TTC7A: variants seen among roughly 807,000 people sequenced by gnomAD.
TTC7A encodes the protein tetratricopeptide repeat domain 7A, also known as tetratricopeptide repeat protein 7A.
Under a neutral mutation model 103.7 loss-of-function variants are expected in TTC7A, and 110 were observed. That is an observed-to-expected ratio of 1.06 (90% CI 0.91 to 1.24). The LOEUF (loss-of-function observed/expected upper bound fraction) is 1.24, where lower values mean the gene tolerates loss of function less well. Ranked by LOEUF, TTC7A falls within the 50% of genes most tolerant of loss-of-function variation. TTC7A has a pLI of 0.00. For missense variants in TTC7A, 1,340 were observed against 1,116.3 expected, an observed-to-expected ratio of 1.20 and a Z score of -2.86; for synonymous variants, 521 against 467.9, an observed-to-expected ratio of 1.11 and a Z score of -1.47.
chr2:46,995,314 C>A, intron 8 of TTC7A, 115 bp downstream of exon 8: 1 of 1,001,088 alleles, frequency 1.0e-6, no homozygotes, highest in South Asian at 1.4e-5. Context: ...CCCAGGGATA[C>A]TCCTAAAGTA....
intron 5 of TTC7A, among the ~76,000 whole-genome samples, chr2:46,984,058 A>G (rs1326859383): frequency 6.6e-6 from 1 of 152,220 alleles, no homozygotes; most frequent in Non-Finnish European, 1.5e-5. Context: ...CATGTCTGTT[A>G]GTCCTCCCAG....
At chr2:47,050,726 A>G (rs1180421623) in intron 17 of TTC7A, 2 of 152,484 alleles carry the variant, frequency 1.3e-5, no homozygotes, top group Non-Finnish European at 2.9e-5. Flanking sequence ...ACCCAACTTT[A>G]GAGGCACATC....
At position 47,065,267 on chromosome 2, in the gene TTC7A, A is replaced by G. The variant is rs370161263; in HGVS notation, c.2355+4296A>G. 2.6e-5 allele frequency among the ~76,000 whole-genome samples: 4 copies of G among 152,374 alleles called. No individual in the cohort carries two copies. In the South Asian group the frequency reaches 6.2e-4, roughly 24 times the overall value. On this transcript the variant is annotated intron_variant, in intron 19 of 19. Transcript: ENST00000319190. ...ACGCCACTGCACTCCAGCCTGGGTG[A>G]CAGAGCGAGACTCCGTCTCAAAAAG...
chr2:46,984,197 A>G (rs962559755), intron 5 of TTC7A, among the ~76,000 whole-genome samples: 2 of 152,230 alleles, frequency 1.3e-5, no homozygotes, highest in African/African-American at 4.8e-5. Context: ...TGACTTTCTT[A>G]GCTGGCGGTC....
chr2:46,947,986 G>A (rs1305663735), intron 1 of TTC7A, among the ~76,000 whole-genome samples: 1 of 152,206 alleles, frequency 6.6e-6, no homozygotes, highest in Non-Finnish European at 1.5e-5. Context: ...CGTGCTCTGG[G>A]GAGGAAGCTG....
intron 11 of TTC7A, among the ~76,000 whole-genome samples, chr2:47,018,334 A>G (rs976602479): frequency 1.3e-5 from 2 of 148,250 alleles, no homozygotes; most frequent in East Asian, 2.0e-4. Flanking sequence ...TGTAATCCCA[A>G]CGCTTTTGGA....
At chr2:46,986,550 G>C (rs1675032944) in intron 5 of TTC7A, among the ~76,000 whole-genome samples, 1 of 152,046 alleles carries the variant, frequency 6.6e-6, no homozygotes, top group African/African-American at 2.4e-5. Flanking sequence ...GCTGCCTGGG[G>C]TGGGGTGGAC....
chr2:46,942,597 C>A (rs779487756), intron 1 of TTC7A, among the ~76,000 whole-genome samples: 1 of 152,164 alleles, frequency 6.6e-6, no homozygotes, highest in African/African-American at 2.4e-5. Flanking sequence ...CAGACACTGT[C>A]CTGAGCACTT....
chr2:46,938,622 C>T (rs1208402869), upstream of TTC7A, among the ~76,000 whole-genome samples: 1 of 152,144 alleles, frequency 6.6e-6, no homozygotes, highest in South Asian at 2.1e-4. Context: ...ATTGATTTAT[C>T]AGTACTTTGG....
chr2:46,931,436 G>A (rs1005153528), intron 2 of TTC7A, among the ~76,000 whole-genome samples: 1 of 152,196 alleles, frequency 6.6e-6, no homozygotes, highest in African/African-American at 2.4e-5. Context: ...ATTAAATTGA[G>A]GACCTTGAGA....
At chr2:47,056,558 C>T (rs997603310) in intron 18 of TTC7A, among the ~76,000 whole-genome samples, 14 of 152,284 alleles carry the variant, frequency 9.2e-5, no homozygotes, top group Non-Finnish European at 1.5e-4. Context: ...TCCCCCTGCC[C>T]GGGGTGGGAG....
At chr2:47,026,778 A>G (rs938663039) in intron 14 of TTC7A, among the ~76,000 whole-genome samples, 16 of 152,180 alleles carry the variant, frequency 1.1e-4, no homozygotes, top group African/African-American at 3.6e-4. Flanking sequence ...TCTCATCTTC[A>G]TGGACACTGA....
intron 8 of TTC7A, among the ~76,000 whole-genome samples, chr2:46,997,853 G>A (rs191289577): frequency 2.0e-5 from 3 of 152,224 alleles, no homozygotes; most frequent in African/African-American, 7.2e-5. Context: ...CTTGATCTGA[G>A]TCCTCAGGAC....
intron 3 of TTC7A, among the ~76,000 whole-genome samples, chr2:46,964,965 G>A (rs1572744870): frequency 6.6e-6 from 1 of 152,174 alleles, no homozygotes. Flanking sequence ...TGGCCGGCTC[G>A]CGTTCTCCTT....
upstream of TTC7A, among the ~76,000 whole-genome samples, chr2:46,939,759 T>G (rs1670178059): frequency 6.6e-6 from 1 of 152,116 alleles, no homozygotes; most frequent in African/African-American, 2.4e-5. Flanking sequence ...CCAACCGCTC[T>G]CTCCAAGTGA....
rs568229990 is a variant in TTC7A, at chr2:47,020,297, G to A, written c.1393-1565G>A. Among the ~76,000 whole-genome samples the A allele has an allele frequency of 4.6e-5, 7 of 152,328 alleles. No individual in the cohort carries two copies. In the East Asian group the frequency reaches 7.7e-4, roughly 17 times the overall value. On this transcript the variant is annotated intron_variant, in intron 11 of 19. Transcript: ENST00000319190. ...TCTTCCAGTGCTCTTCTCACCATGTGGCTTTGGCTTCAGGCCCCAGCAGCC... is the reference window on the plus strand; with the variant it reads ...TCTTCCAGTGCTCTTCTCACCATGTAGCTTTGGCTTCAGGCCCCAGCAGCC...
At chr2:47,053,530 T>G (rs200232316) in intron 18 of TTC7A, among the ~76,000 whole-genome samples, 80 of 138,848 alleles carry the variant, frequency 5.8e-4, no homozygotes, top group Middle Eastern at 7.1e-3. Context: ...TGGTGGGTTT[T>G]TTTGTTTGTT....
intron 2 of TTC7A, among the ~76,000 whole-genome samples, chr2:46,929,474 A>C (rs1202003251): frequency 6.6e-6 from 1 of 152,160 alleles, no homozygotes; most frequent in Non-Finnish European, 1.5e-5. Flanking sequence ...ACAGAGCACG[A>C]CCCTGTCTCA....
chr2:46,946,000 G>T (rs1670904769), intron 1 of TTC7A, among the ~76,000 whole-genome samples: 1 of 152,222 alleles, frequency 6.6e-6, no homozygotes, highest in Non-Finnish European at 1.5e-5. Flanking sequence ...TGGGTGGGTT[G>T]TGGAGAGGGG....
Sources: allele counts gnomAD v4.1 joint callset (sites outside exome capture counted in the v4.1 genomes callset), GRCh38; gene constraint gnomAD v4.1.1; transcripts MANE v1.5; gene names NCBI Gene and HGNC (gene_info 2026-07-23, HGNC 2026-07-21).